Variants in ANKS6 observed in about 807,000 individuals in gnomAD.
ANKS6 encodes ankyrin repeat and SAM domain-containing protein 6.
ANKS6 carries 47 observed loss-of-function variants against 77.9 expected under a neutral mutation model. The observed-to-expected ratio is 0.60, with a 90% CI of 0.48 to 0.77. The LOEUF is 0.77. Ranked by LOEUF, ANKS6 falls within the 30% of genes least tolerant of loss-of-function variation. The pLI, the probability that ANKS6 is intolerant of heterozygous loss-of-function variation, is 0.00. For synonymous variants in ANKS6, 488 were observed against 501.7 expected (o/e 0.97, Z 0.37); for missense variants, 1,150 against 1,159.1 (o/e 0.99, Z 0.11).
intron 5 of ANKS6, among the ~76,000 whole-genome samples, chr9:98,780,581 G>C (rs1440558028): frequency 1.3e-5 from 2 of 152,350 alleles, no homozygotes; most frequent in South Asian, 4.1e-4. Context: ...AAGGCAGGGG[G>C]ACAGTGTGTT....
chr9:98,739,700 T>C (rs1057214228), intron 14 of ANKS6, among the ~76,000 whole-genome samples: 19 of 151,638 alleles, frequency 1.3e-4, no homozygotes, highest in Non-Finnish European at 2.7e-4. Flanking sequence ...CAACAGACCC[T>C]GTGTGGGTAG....
chr9:98,780,107 T>C, intron 6 of ANKS6, 82 bp downstream of exon 6: 1 of 1,576,454 alleles, frequency 6.3e-7, no homozygotes, highest in Non-Finnish European at 8.6e-7. Context: ...TAAACCAGCC[T>C]GGGTGCATAG....
chr9:98,780,468 A>C, intron 5 of ANKS6, 131 bp from the exon 6 acceptor site: 2 of 1,092,700 alleles, frequency 1.8e-6, no homozygotes, highest in South Asian at 1.7e-5. Flanking sequence ...TCCAGAATCA[A>C]GGCACCTGCC....
Position 98,793,645 on chromosome 9 carries a change from C to T in ANKS6, c.359+2488G>A, listed in dbSNP as rs986701686. The stretch of plus-strand genomic sequence containing the variant: ...AAGCGATTCTCCTGCCTCAGCCTCC[C>T]GAGTAGCTGGGACTACAGGTGCGTG... On this transcript the variant is annotated intron_variant, in intron 1 of 14. Transcript: ENST00000353234. Among the ~76,000 whole-genome samples, 4 of 151,884 alleles carry T rather than the reference C, an allele frequency of 2.6e-5. No homozygotes were observed. In the South Asian group the frequency reaches 6.3e-4, roughly 24 times the overall value.
At position 98,778,398 on chromosome 9, in the gene ANKS6, C is replaced by T; in HGVS notation, c.1395G>A (p.Arg465=). ...TCTGCATCAGTTTGAGCTTTCGGAA[C>T]CGATTGGACATTCGGTTCCACCAGG... ...LKSWWNRMSN[R]FRKLKLMQTL... is the part of the protein sequence containing the mutation. Residue 465 remains arginine, a synonymous_variant, in exon 7 of 15, where the codon CGG becomes CGA. Transcript: ENST00000353234. 1.2e-6 allele frequency: 2 copies of T among 1,614,068 alleles called. No individual in the cohort carries two copies. Among genetic ancestry groups the T allele is most frequent in the South Asian group, 1.1e-5 (1 of 91,062 alleles).
chr9:98,741,781 A>G (rs1039461485), intron 14 of ANKS6, among the ~76,000 whole-genome samples: 7 of 152,164 alleles, frequency 4.6e-5, no homozygotes, highest in Non-Finnish European at 1.0e-4. Context: ...AGGGTCCACA[A>G]CGTTTTGCTA....
intron 8 of ANKS6, among the ~76,000 whole-genome samples, chr9:98,775,411 T>C (rs751934110): frequency 6.6e-6 from 1 of 152,200 alleles, no homozygotes; most frequent in Non-Finnish European, 1.5e-5. Context: ...GTTCCTACAC[T>C]AGAATGTTCT....
chr9:98,780,378 T>C, intron 5 of ANKS6, 41 bp from the exon 6 acceptor site: 3 of 1,538,766 alleles, frequency 1.9e-6, no homozygotes, highest in South Asian at 2.4e-5. Context: ...CAAATATGTC[T>C]GTTGGGCCAT....
In ANKS6 at chr9:98,786,293, G is replaced by GT. The variant is rs376048676; in HGVS notation, c.863-1418dup. Among the ~76,000 whole-genome samples, 598 of 129,664 alleles carry GT rather than the reference G, an allele frequency of 4.6e-3. 1 individual carries two copies. The highest frequency in any genetic ancestry group is 0.018 in the Middle Eastern group (4 of 218). The allele number at this position is 129,664 out of a possible 152,430, so 85.1% of individuals were successfully genotyped here. A position where few individuals can be genotyped will look rare whatever the true frequency, so the allele number is the denominator to read the frequency against. ...CGCTCCAGGCCGGAACTCCAGAATTGTTTTTTTTTTTTTTTTGAGATGGAG... is the reference window on the plus strand; with the variant it reads ...CGCTCCAGGCCGGAACTCCAGAATTGTTTTTTTTTTTTTTTTTGAGATGGAG... On this transcript the variant is annotated intron_variant, in intron 2 of 14. Transcript: ENST00000353234.
chr9:98,768,896 G>A lies in ANKS6; in HGVS notation c.1973-646C>T, dbSNP rs963774619. 1.6e-4 allele frequency among the ~76,000 whole-genome samples: 24 copies of A among 152,106 alleles called. 1 individual carries two copies. The highest frequency in any genetic ancestry group is 1.4e-3 in the Admixed American group (22 of 15,274). ...TGTAATCCCAGCACTTTGGGAGGCC[G>A]AGGCGGGCAGATCACAAGGTAGAGA... On this transcript the variant is annotated intron_variant, in intron 10 of 14. Transcript: ENST00000353234.
intron 12 of ANKS6, 45 bp from the exon 13 acceptor site, chr9:98,751,141 TG>T: frequency 3.4e-6 from 5 of 1,482,072 alleles, no homozygotes; most frequent in Non-Finnish European, 3.7e-6. Flanking sequence ...TTTTAGAATT[TG>T]GTAAAGTGGT....
intron 11 of ANKS6, among the ~76,000 whole-genome samples, chr9:98,763,076 T>C (rs1467211227): frequency 2.6e-5 from 4 of 151,982 alleles, no homozygotes; most frequent in African/African-American, 7.2e-5. Context: ...GTAGAACAAG[T>C]AGAGAGAAAA....
At chr9:98,751,228 T>G in intron 12 of ANKS6, 132 bp from the exon 13 acceptor site, 2 of 754,044 alleles carry the variant, frequency 2.7e-6, no homozygotes, top group Non-Finnish European at 4.2e-6. Flanking sequence ...AGAAAGCTGA[T>G]CTCAGCTGGA....
intron 14 of ANKS6, among the ~76,000 whole-genome samples, chr9:98,744,694 AG>A (rs1832024545): frequency 6.6e-6 from 1 of 151,874 alleles, no homozygotes; most frequent in Admixed American, 6.5e-5. Context: ...ACACAGCCCA[AG>A]GAACAGCAAC....
Position 98,732,472 on chromosome 9 carries a change from C to G in ANKS6, c.*4047G>C. ...ATCGGCCACTCCTCACTTCTGTGGG[C>G]TCCGATGCCAGCAGAGCCACCTGAG... On this transcript the variant is annotated 3_prime_UTR_variant, in exon 15 of 15. Coordinates refer to ENST00000353234, the MANE Select transcript of ANKS6 (RefSeq NM_173551.5). 1 of 1,549,844 alleles carries G rather than the reference C, an allele frequency of 6.5e-7. No individual in the cohort carries two copies. The highest frequency in any genetic ancestry group is 8.7e-7 in the Non-Finnish European group (1 of 1,146,496).
At chr9:98,750,146 T>C (rs1832349641) in intron 13 of ANKS6, among the ~76,000 whole-genome samples, 1 of 152,202 alleles carries the variant, frequency 6.6e-6, no homozygotes, top group African/African-American at 2.4e-5. Context: ...CGTGTATCCA[T>C]TCTAGTCACT....
At chr9:98,744,170 T>C (rs975487012) in intron 14 of ANKS6, among the ~76,000 whole-genome samples, 8 of 152,188 alleles carry the variant, frequency 5.3e-5, no homozygotes, top group Admixed American at 4.6e-4. Flanking sequence ...GAGAAGGAAC[T>C]AGTAAAGACT....
In ANKS6 at chr9:98,732,869, C is replaced by T. The variant is rs1831276104; in HGVS notation, c.*3650G>A. ...ACAGGCACCCAACTGACCCTTCCTC[C>T]CTGACGATCTAGAACTTACACATTA... is the stretch of plus-strand genomic sequence containing the variant. On this transcript the variant is annotated 3_prime_UTR_variant, in exon 15 of 15. Transcript: ENST00000353234. The T allele has an allele frequency of 8.6e-7, 1 of 1,167,554 alleles. No homozygotes were observed. The highest frequency in any genetic ancestry group is 4.4e-5 in the Admixed American group (1 of 22,816). The allele number at this position is 1,167,554 out of a possible 1,614,324, so 72.3% of individuals were successfully genotyped here.
Position 98,766,918 on chromosome 9 carries a change from G to T in ANKS6, c.2142+1163C>A, listed in dbSNP as rs150262647. On this transcript the variant is annotated intron_variant, in intron 11 of 14. Coordinates refer to ENST00000353234, the MANE Select transcript of ANKS6 (RefSeq NM_173551.5). ...ATGACATCTAAGAACTATGAAGAGT[G>T]GGGTTTTGCCTGGACATAGAGTCCC... Among the ~76,000 whole-genome samples, 1,326 of 152,270 alleles carry T rather than the reference G, an allele frequency of 8.7e-3. 49 individuals carry two copies. Among genetic ancestry groups the T allele is most frequent in the Admixed American group, 0.072 (1,105 of 15,278 alleles).
Sources: gnomAD v4.1 joint callset for allele counts (sites outside exome capture counted in the v4.1 genomes callset) on GRCh38, gnomAD v4.1.1 for gene constraint, MANE v1.5 for transcripts, NCBI Gene and HGNC (gene_info 2026-07-23, HGNC 2026-07-21) for gene names.